Variants in SLC6A12 observed in about 807,000 individuals in gnomAD.
The protein encoded by SLC6A12 is solute carrier family 6 member 12, also known as sodium- and chloride-dependent betaine transporter.
SLC6A12 carries 50 observed loss-of-function variants against 73.3 expected under a neutral mutation model. That is an observed-to-expected ratio of 0.68 (90% CI 0.54 to 0.86). SLC6A12 has a LOEUF of 0.86. SLC6A12 is among the 40% of genes least tolerant of loss of function. The pLI, the probability that SLC6A12 is intolerant of heterozygous loss-of-function variation, is 0.00. For synonymous variants in SLC6A12, 304 were observed against 309.2 expected (o/e 0.98, Z 0.18); for missense variants, 648 against 772.8 (o/e 0.84, Z 1.92).
rs377552047 is a variant in SLC6A12, at chr12:192,474, C to G, written c.1701+4G>C. On this transcript the variant is annotated splice_donor_region_variant and intron_variant, in intron 15 of 15. Coordinates refer to ENST00000684302, the MANE Select transcript of SLC6A12 (RefSeq NM_001122848.3). ...AAGAGGTCACTCTCCCCTACACCAC[C>G]TACCTTCCTGAAAGGACCCCGAGTC... 3 of 1,613,656 alleles carry G rather than the reference C, an allele frequency of 1.9e-6. No individual in the cohort carries two copies. The African/African-American group carries it at 4.0e-5, about 22-fold the overall frequency.
At chr12:199,009 G>T in intron 7 of SLC6A12, 78 bp from the exon 8 acceptor site, 1 of 1,447,926 alleles carries the variant, frequency 6.9e-7, no homozygotes, top group South Asian at 1.2e-5. Flanking sequence ...CAGGCAGCTC[G>T]AGTCACACGG....
At chr12:184,788 G>A in the SLC6A12 span, among the ~76,000 whole-genome samples, 2 of 151,996 alleles carry the variant, frequency 1.3e-5, no homozygotes, top group African/African-American at 4.8e-5. Context: ...ACAAAAATTA[G>A]CCAAGCATGG....
chr12:191,234 T>C (rs1939582502), intron 15 of SLC6A12, 23 bp from the exon 16 acceptor site: 1 of 1,259,728 alleles, frequency 7.9e-7, no homozygotes, highest in Non-Finnish European at 1.0e-6. Context: ...GAGGCAGGGA[T>C]TTGGAGCTGA....
At chr12:187,448 G>A (rs574553052), downstream of SLC6A12, among the ~76,000 whole-genome samples, 127 of 151,778 alleles carry the variant, frequency 8.4e-4, no homozygotes, top group African/African-American at 3.0e-3. Context: ...CGGCGCGTCT[G>A]GAGTTTTTTT....
chr12:211,597 G>GA (rs1762665482), intron 2 of SLC6A12, among the ~76,000 whole-genome samples: 1 of 152,156 alleles, frequency 6.6e-6, no homozygotes. Flanking sequence ...GCCTGGGGAT[G>GA]AAAAAATGGG....
chr12:195,972 G>A (rs1454893956), intron 12 of SLC6A12, 152 bp downstream of exon 12: 1 of 666,582 alleles, frequency 1.5e-6, no homozygotes, highest in East Asian at 2.8e-5. Context: ...TGCATGTTGT[G>A]TGGTCCCTAC....
chr12:206,787 T>C (rs1281874835), intron 3 of SLC6A12, among the ~76,000 whole-genome samples: 1 of 152,214 alleles, frequency 6.6e-6, no homozygotes, highest in Non-Finnish European at 1.5e-5. Context: ...GGACCTAGGC[T>C]GAGGGGTAGC....
In SLC6A12 at chr12:203,734, G is replaced by A. The variant is rs753893585; in HGVS notation, c.349+830C>T. On this transcript the variant is annotated intron_variant, in intron 4 of 15. Transcript: ENST00000684302. ...CGGGATGGCCGAGCCGGGGGCCGGC[G>A]TTCTGGTGGGGCTGTCTGGGAGAGG... 8.9e-4 allele frequency: 136 copies of A among 152,324 alleles called. 1 individual carries two copies. Among genetic ancestry groups the A allele is most frequent in the Middle Eastern group, 3.4e-3 (1 of 292 alleles). The allele number at this position is 152,324 out of a possible 1,614,324, so 9.4% of individuals were successfully genotyped here.
intron 9 of SLC6A12, 133 bp downstream of exon 9, chr12:197,767 A>G: frequency 1.5e-6 from 1 of 679,924 alleles, no homozygotes; most frequent in Non-Finnish European, 2.5e-6. Context: ...TGGGAAAGGA[A>G]CCCATAAGTT....
intron 7 of SLC6A12, among the ~76,000 whole-genome samples, chr12:200,325 G>T (rs897836387): frequency 6.6e-6 from 1 of 151,760 alleles, no homozygotes; most frequent in Admixed American, 6.6e-5. Flanking sequence ...AGCCAGGATG[G>T]TCTCGATCTC....
chr12:207,227 G>C (rs1271000987), intron 3 of SLC6A12, among the ~76,000 whole-genome samples: 2 of 152,244 alleles, frequency 1.3e-5, no homozygotes, highest in African/African-American at 4.8e-5. Flanking sequence ...TATGGGCACG[G>C]GCGGCCCAGC....
intron 7 of SLC6A12, chr12:199,143 GAGGGT>G: frequency 1.2e-5 from 4 of 323,800 alleles, no homozygotes; most frequent in East Asian, 1.5e-4. Context: ...TCAGCAGGGG[GAGGGT>G]GGGGAGGGGA....
intron 13 of SLC6A12, among the ~76,000 whole-genome samples, chr12:194,812 T>G (rs1225186462): frequency 6.6e-6 from 1 of 152,126 alleles, no homozygotes; most frequent in Non-Finnish European, 1.5e-5. Flanking sequence ...TCCCTGTCCA[T>G]GGAAGTACTC....
downstream of SLC6A12, among the ~76,000 whole-genome samples, chr12:189,506 A>G (rs584973): frequency 0.025 from 3,776 of 152,232 alleles, 162 homozygotes; most frequent in African/African-American, 0.087. Context: ...AGGCCTGTCG[A>G]GGACGGAACT....
At chr12:196,666 G>C in intron 11 of SLC6A12, 104 bp downstream of exon 11, 1 of 820,226 alleles carries the variant, frequency 1.2e-6, no homozygotes, top group Non-Finnish European at 2.1e-6. Context: ...GGGGCCTCAG[G>C]TGTGTGGTCA....
At chr12:184,051 T>C in the SLC6A12 span, among the ~76,000 whole-genome samples, 1 of 152,112 alleles carries the variant, frequency 6.6e-6, no homozygotes, top group East Asian at 1.9e-4. Context: ...AATTCAGAAA[T>C]TCTAAACACA....
downstream of SLC6A12, among the ~76,000 whole-genome samples, chr12:187,662 A>C (rs1939461403): frequency 1.4e-5 from 2 of 139,198 alleles, no homozygotes; most frequent in African/African-American, 5.3e-5. Flanking sequence ...CACTGCACAC[A>C]ACGCGACCCC....
rs554661496 is a variant in SLC6A12 at position 196,711 on chromosome 12, C to T, written c.1188+59G>A. ...GAGTGAGGGGAAAGTAGTCCCAGGA[C>T]AAGCAAAGGCTTGCAAGAGGGTCAC... On this transcript the variant is annotated intron_variant, in intron 11 of 15. Transcript: ENST00000684302. 5 of 1,223,968 alleles carry T rather than the reference C, an allele frequency of 4.1e-6. No homozygotes were observed. The South Asian group carries it at 6.1e-5, about 15-fold the overall frequency. The allele number at this position is 1,223,968 out of a possible 1,614,324, so 75.8% of individuals were successfully genotyped here.
At chr12:186,715 T>C (rs1430998784), downstream of SLC6A12, among the ~76,000 whole-genome samples, 1 of 152,238 alleles carries the variant, frequency 6.6e-6, no homozygotes, top group East Asian at 1.9e-4. Context: ...CTCTGCCACG[T>C]GGGCGCTGCT....
Sources: allele counts gnomAD v4.1 joint callset (sites outside exome capture counted in the v4.1 genomes callset), GRCh38; gene constraint gnomAD v4.1.1; transcripts MANE v1.5; gene names NCBI Gene and HGNC (gene_info 2026-07-23, HGNC 2026-07-21).